ULK4: variants seen among roughly 807,000 people sequenced by gnomAD.
ULK4 encodes unc-51 like kinase 4, also known as inactive serine/threonine-protein kinase ULK4.
A neutral mutation model predicts 160.6 loss-of-function variants in ULK4; 133 were observed. That is an observed-to-expected ratio of 0.83 (90% CI 0.72 to 0.96). The LOEUF (loss-of-function observed/expected upper bound fraction) is 0.96. ULK4 is among the 40% of genes least tolerant of loss of function. The pLI is 0.00. For synonymous variants in ULK4, 534 were observed against 539.8 expected, an observed-to-expected ratio of 0.99 and a Z score of 0.15; for missense variants, 1,580 against 1,499.5, an observed-to-expected ratio of 1.05 and a Z score of -0.89.
intron 35 of ULK4, among the ~76,000 whole-genome samples, chr3:41,341,271 T>C (rs1332005402): frequency 2.0e-5 from 3 of 152,240 alleles, no homozygotes; most frequent in African/African-American, 7.2e-5. Context: ...ATATAGGATT[T>C]ACCTATATAG....
At chr3:41,920,348 A>C (rs890815786) in intron 5 of ULK4, among the ~76,000 whole-genome samples, 2 of 152,210 alleles carry the variant, frequency 1.3e-5, no homozygotes, top group African/African-American at 4.8e-5. Flanking sequence ...GCTCACACTT[A>C]GTTGGCTTTG....
At chr3:41,699,595 G>T (rs949844397) in intron 27 of ULK4, among the ~76,000 whole-genome samples, 14 of 152,276 alleles carry the variant, frequency 9.2e-5, no homozygotes, top group African/African-American at 3.1e-4. Context: ...GAGCTAAATG[G>T]TCTAAAACTC....
chr3:41,345,973 A>G (rs1359099086), intron 35 of ULK4, among the ~76,000 whole-genome samples: 1 of 151,988 alleles, frequency 6.6e-6, no homozygotes, highest in Non-Finnish European at 1.5e-5. Context: ...TGTTCTAGGT[A>G]GAGGGAAGAG....
chr3:41,312,866 T>C (rs184600226), intron 35 of ULK4, among the ~76,000 whole-genome samples: 1 of 152,142 alleles, frequency 6.6e-6, no homozygotes, highest in Non-Finnish European at 1.5e-5. Flanking sequence ...GCAGTGTAAG[T>C]GGCCCCAGGA....
intron 31 of ULK4, among the ~76,000 whole-genome samples, chr3:41,609,516 T>C (rs548487119): frequency 6.6e-6 from 1 of 152,340 alleles, no homozygotes; most frequent in South Asian, 2.1e-4. Context: ...GCGTATAAAG[T>C]CATCTTTGTA....
chr3:41,418,342 C>CGGGG (rs56844228), intron 34 of ULK4, among the ~76,000 whole-genome samples: 34 of 87,918 alleles, frequency 3.9e-4, no homozygotes, highest in African/African-American at 1.3e-3. Flanking sequence ...CTTAATTTGG[C>CGGGG]GGGGGGGGGG....
intron 34 of ULK4, among the ~76,000 whole-genome samples, chr3:41,430,890 C>T (rs2082888431): frequency 6.6e-6 from 1 of 151,554 alleles, no homozygotes; most frequent in Non-Finnish European, 1.5e-5. Context: ...TCTGAGCTTA[C>T]AAGCAATGAG....
At chr3:41,305,864 G>GC (rs1233253728) in intron 35 of ULK4, among the ~76,000 whole-genome samples, 2 of 139,724 alleles carry the variant, frequency 1.4e-5, no homozygotes, top group African/African-American at 5.6e-5. Flanking sequence ...GAGCGCCTCT[G>GC]CCCCCCCGCC....
intron 35 of ULK4, among the ~76,000 whole-genome samples, chr3:41,276,310 T>G (rs2079227562): frequency 6.6e-6 from 1 of 152,340 alleles, no homozygotes; most frequent in Admixed American, 6.5e-5. Flanking sequence ...TAGTTACCTT[T>G]CCGGACCTTC....
Position 41,898,464 on chromosome 3 carries a change from T to A in ULK4, c.1316A>T (p.Asp439Val). 1 of 1,599,760 alleles carries A rather than the reference T, an allele frequency of 6.3e-7. No homozygotes were observed. Among genetic ancestry groups the A allele is most frequent in the South Asian group, 1.1e-5 (1 of 87,628 alleles). ...KIMKQPPVKF[D>V]AKILHLPTYS... Reference sequence around the variant, plus strand: ...TGTTGGTAGATGCAATATTTTTGCATCAAATTTAACTGGTGGCTGTTTCAT... The same window carrying A: ...TGTTGGTAGATGCAATATTTTTGCAACAAATTTAACTGGTGGCTGTTTCAT... Residue 439 changes from aspartate (D) to valine (V), a missense_variant, in exon 14 of 37, where the codon GAT becomes GTT. By Grantham distance (152) the Asp-to-Val change is radical. Transcript: ENST00000301831.
At chr3:41,495,050 C>T (rs79462204) in intron 32 of ULK4, among the ~76,000 whole-genome samples, 62,157 of 151,604 alleles carry the variant, frequency 0.41, 12,931 homozygotes, top group African/African-American at 0.44. Flanking sequence ...AAGCTACCAA[C>T]GACTTTCTTC....
chr3:41,872,143 T>C (rs1697119554), intron 17 of ULK4, among the ~76,000 whole-genome samples: 1 of 152,200 alleles, frequency 6.6e-6, no homozygotes, highest in African/African-American at 2.4e-5. Context: ...CGCTCAGTCC[T>C]AAGGTGTGGC....
intron 35 of ULK4, among the ~76,000 whole-genome samples, chr3:41,386,925 T>C (rs938763182): frequency 6.6e-6 from 1 of 152,162 alleles, no homozygotes; most frequent in African/African-American, 2.4e-5. Context: ...TGAGGTGGAC[T>C]ATCATTTTAT....
intron 35 of ULK4, among the ~76,000 whole-genome samples, chr3:41,371,494 C>G (rs1278646002): frequency 2.6e-5 from 4 of 152,170 alleles, no homozygotes; most frequent in Admixed American, 6.5e-5. Flanking sequence ...TGGTGATACC[C>G]AGGCAAACAG....
chr3:41,382,063 C>CA (rs1319031954), intron 35 of ULK4, among the ~76,000 whole-genome samples: 5 of 152,188 alleles, frequency 3.3e-5, no homozygotes, highest in African/African-American at 1.2e-4. Flanking sequence ...GATGTCATCT[C>CA]AGAGAGGCCT....
rs1439328237 is a variant in ULK4, at chr3:41,715,437, A to G, written c.2577+10T>C. The G allele has an allele frequency of 6.2e-7, 1 of 1,614,116 alleles. No homozygotes were observed. The highest frequency in any genetic ancestry group is 8.5e-7 in the Non-Finnish European group (1 of 1,180,018). On this transcript the variant is annotated intron_variant, in intron 24 of 36. Coordinates refer to ENST00000301831, the MANE Select transcript of ULK4 (RefSeq NM_017886.4). Reference sequence around the variant, plus strand: ...AATTTATATCCTTTTCCTCCTCAATACAATAGTACCTGTGAAGTTACGAGG... The same window carrying G: ...AATTTATATCCTTTTCCTCCTCAATGCAATAGTACCTGTGAAGTTACGAGG...
intron 27 of ULK4, among the ~76,000 whole-genome samples, chr3:41,703,405 A>C (rs185063731): frequency 6.6e-6 from 1 of 152,204 alleles, no homozygotes; most frequent in Non-Finnish European, 1.5e-5. Context: ...CATGACATTT[A>C]AGTACATATA....
intron 35 of ULK4, among the ~76,000 whole-genome samples, chr3:41,294,978 A>G: frequency 6.6e-6 from 1 of 152,152 alleles, no homozygotes. Flanking sequence ...GAGATAAAAG[A>G]CCCAGAATAG....
At chr3:41,536,872 T>C (rs561874951) in intron 32 of ULK4, among the ~76,000 whole-genome samples, 32 of 152,330 alleles carry the variant, frequency 2.1e-4, no homozygotes, top group African/African-American at 7.5e-4. Flanking sequence ...TTTTGTTTTT[T>C]TCATTTCTCT....
Sources: allele counts gnomAD v4.1 joint callset (sites outside exome capture counted in the v4.1 genomes callset), GRCh38; gene constraint gnomAD v4.1.1; transcripts MANE v1.5; gene names NCBI Gene and HGNC (gene_info 2026-07-23, HGNC 2026-07-21).